The following MAOB variants were observed in gnomAD, a reference collection of about 807,000 sequenced individuals.
The protein encoded by MAOB is amine oxidase [flavin-containing] B.
A neutral mutation model predicts 41.9 loss-of-function variants in MAOB; 15 were observed. That is an observed-to-expected ratio of 0.36 (90% CI 0.24 to 0.55). The LOEUF is 0.55. Among genes scored for constraint, MAOB ranks in the 20% least tolerant of loss-of-function variants. The pLI is 0.86. For synonymous variants in MAOB, 167 were observed against 144.2 expected, an observed-to-expected ratio of 1.16 and a Z score of -1.13; for missense variants, 345 against 398.7, an observed-to-expected ratio of 0.87 and a Z score of 1.15.
chrX:43,868,829 C>G (rs1325589155), intron 1 of MAOB, among the ~76,000 whole-genome samples: 1 of 108,933 alleles, frequency 9.2e-6, no homozygotes, highest in Non-Finnish European at 1.9e-5. Context: ...TAAATAAGCA[C>G]AGAAAACGTA....
intron 3 of MAOB, among the ~76,000 whole-genome samples, chrX:43,818,388 C>T (rs920086737): frequency 2.7e-5 from 3 of 111,906 alleles, no homozygotes; most frequent in Non-Finnish European, 3.8e-5. Context: ...TAAACATCTT[C>T]GCCAGGATTA....
intron 1 of MAOB, among the ~76,000 whole-genome samples, chrX:43,877,912 A>G (rs1371447604): frequency 8.9e-6 from 1 of 112,520 alleles, no homozygotes; most frequent in Non-Finnish European, 1.9e-5. Flanking sequence ...ACATCCAGAA[A>G]AATTATTGGT....
intron 12 of MAOB, among the ~76,000 whole-genome samples, chrX:43,769,664 G>A (rs2034156458): frequency 9.0e-6 from 1 of 111,706 alleles, no homozygotes; most frequent in South Asian, 3.8e-4. Context: ...GACATTAATG[G>A]ACGTAAATTA....
chrX:43,804,303 T>A (rs1424092159), intron 3 of MAOB, among the ~76,000 whole-genome samples: 1 of 111,466 alleles, frequency 9.0e-6, no homozygotes, highest in Non-Finnish European at 1.9e-5. Flanking sequence ...AATTGTGGAA[T>A]AAGAGATTTC....
chrX:43,821,305 G>A (rs1317184172), intron 3 of MAOB, among the ~76,000 whole-genome samples: 2 of 110,929 alleles, frequency 1.8e-5, no homozygotes, highest in Non-Finnish European at 3.8e-5. Flanking sequence ...GTCATGGAAG[G>A]TACTCGTTTA....
In MAOB at chrX:43,769,351, A is replaced by G; in HGVS notation, c.1303T>C (p.Tyr435His). ...GTETATHWSG[Y>H]MEGAVEAGER... ...CCGGCCTCTACAGCCCCCTCCATGT[A>G]GCCGCTCCAGTGTGTGGCAGTCTCG... is the stretch of plus-strand genomic sequence containing the variant. Residue 435 changes from tyrosine (Y) to histidine (H), a missense_variant, in exon 13 of 15, where the codon TAC becomes CAC. By Grantham distance (83) the Tyr-to-His change is moderately conservative. Transcript: ENST00000378069. 8.3e-7 allele frequency: 1 copy of G among 1,208,120 alleles called. No homozygotes were observed. The highest frequency in any genetic ancestry group is 1.1e-6 in the Non-Finnish European group (1 of 894,391).
At position 43,804,388 on chromosome X, in the gene MAOB, G is replaced by A. The variant is rs1486596522; in HGVS notation, c.280-984C>T. On this transcript the variant is annotated intron_variant, in intron 3 of 14. Coordinates refer to ENST00000378069, the MANE Select transcript of MAOB (RefSeq NM_000898.5). ...ACAAGGCCATAAGATTCTCAGGGAA[G>A]GGTTGAGATACAGCTTTATGTTTCT... is the stretch of plus-strand genomic sequence containing the variant. 5.4e-5 allele frequency among the ~76,000 whole-genome samples: 6 copies of A among 111,050 alleles called. No homozygotes were observed. The East Asian group carries it at 1.7e-3, about 31-fold the overall frequency.
intron 8 of MAOB, among the ~76,000 whole-genome samples, chrX:43,786,193 T>C (rs1233187182): frequency 8.9e-6 from 1 of 112,139 alleles, no homozygotes; most frequent in African/African-American, 3.2e-5. Context: ...GTTATAACAA[T>C]ATATTACTGC....
chrX:43,857,071 T>A (rs1324474029), intron 1 of MAOB, among the ~76,000 whole-genome samples: 1 of 78,352 alleles, frequency 1.3e-5, no homozygotes. Flanking sequence ...CAACACAAAC[T>A]ACCTATTCTT....
At chrX:43,876,847 CGTGTGT>C (rs1013115414) in intron 1 of MAOB, among the ~76,000 whole-genome samples, 1 of 111,371 alleles carries the variant, frequency 9.0e-6, no homozygotes, top group African/African-American at 3.3e-5. Flanking sequence ...TGCATGCACG[CGTGTGT>C]GTGTGTGTCA....
intron 1 of MAOB, among the ~76,000 whole-genome samples, chrX:43,868,983 G>A (rs866028533): frequency 1.7e-4 from 19 of 111,175 alleles, no homozygotes; most frequent in African/African-American, 5.9e-4. Flanking sequence ...GCAGACAGAC[G>A]GGGATAGAAT....
At chrX:43,814,136 A>G (rs1330365848) in intron 3 of MAOB, among the ~76,000 whole-genome samples, 2 of 111,040 alleles carry the variant, frequency 1.8e-5, no homozygotes, top group Non-Finnish European at 3.8e-5. Flanking sequence ...AATGGACTGC[A>G]CAAGAAACCA....
intron 3 of MAOB, among the ~76,000 whole-genome samples, chrX:43,830,130 A>T (rs2147157058): frequency 8.9e-6 from 1 of 112,798 alleles, no homozygotes; most frequent in African/African-American, 3.2e-5. Flanking sequence ...AAAATGTAAA[A>T]TTATCAATGT....
chrX:43,859,162 T>G (rs2035316457), intron 1 of MAOB, among the ~76,000 whole-genome samples: 1 of 111,319 alleles, frequency 9.0e-6, no homozygotes, highest in Non-Finnish European at 1.9e-5. Context: ...ATTACAGGGG[T>G]GCCTGTGGCT....
intron 1 of MAOB, among the ~76,000 whole-genome samples, chrX:43,881,204 G>C (rs945289413): frequency 1.2e-4 from 14 of 113,176 alleles, no homozygotes; most frequent in African/African-American, 3.5e-4. Flanking sequence ...CAATGCCTTG[G>C]TTTTTTCTCC....
At chrX:43,846,045 C>T (rs2035199504) in intron 1 of MAOB, among the ~76,000 whole-genome samples, 1 of 112,093 alleles carries the variant, frequency 8.9e-6, no homozygotes, top group African/African-American at 3.2e-5. Context: ...ATTTATAACC[C>T]CAGTTTCCTA....
At chrX:43,847,425 C>T (rs944539620) in intron 1 of MAOB, among the ~76,000 whole-genome samples, 1 of 111,311 alleles carries the variant, frequency 9.0e-6, no homozygotes, top group Non-Finnish European at 1.9e-5. Context: ...CTGGGTGAAG[C>T]GCTTTACACA....
chrX:43,814,803 G>C (rs764557421), intron 3 of MAOB, among the ~76,000 whole-genome samples: 33 of 112,216 alleles, frequency 2.9e-4, no homozygotes, highest in Middle Eastern at 4.6e-3. Context: ...ACTAAAATAA[G>C]AAGAATTCTT....
In MAOB at chrX:43,882,379, A is replaced by AGCCC; in HGVS notation, c.-84_-81dup. The AGCCC allele has an allele frequency of 1.8e-6, 2 of 1,126,448 alleles. No individual in the cohort carries two copies. Among genetic ancestry groups the AGCCC allele is most frequent in the Non-Finnish European group, 1.2e-6 (1 of 854,969 alleles). The allele number at this position is 1,126,448 out of a possible 1,213,427, so 92.8% of individuals were successfully genotyped here. A position where few individuals can be genotyped will look rare whatever the true frequency, so the allele number is the denominator to read the frequency against. ...TCGATCCCAGTCCTGCCTGCCAGCC[A>AGCCC]GCCCGCCCGCCTGCCCGCCGGCCTG... On this transcript the variant is annotated 5_prime_UTR_variant, in exon 1 of 15. Transcript: ENST00000378069.
Sources: gnomAD v4.1 joint callset for allele counts (sites outside exome capture counted in the v4.1 genomes callset) on GRCh38, gnomAD v4.1.1 for gene constraint, MANE v1.5 for transcripts, NCBI Gene and HGNC (gene_info 2026-07-23, HGNC 2026-07-21) for gene names.